Variants in SPTAN1 observed in about 807,000 individuals in gnomAD.
The protein encoded by SPTAN1 is spectrin alpha chain, non-erythrocytic 1.
Under a neutral mutation model 331.3 loss-of-function variants are expected in SPTAN1, and 61 were observed. That is an observed-to-expected ratio of 0.18 (90% CI 0.15 to 0.23). The LOEUF is 0.23. SPTAN1 is among the 10% of genes least tolerant of loss of function. The probability of loss-of-function intolerance (pLI) is 1.00; values close to 1 mark genes in which losing one functional copy is unlikely to be tolerated. For missense variants in SPTAN1, 2,043 were observed against 3,147.9 expected (o/e 0.65, Z 8.40); for synonymous variants, 1,153 against 1,173.9 (o/e 0.98, Z 0.36).
intron 26 of SPTAN1, 80 bp from the exon 27 acceptor site, chr9:128,599,998 CTA>C (rs1854882681): frequency 7.0e-7 from 1 of 1,432,858 alleles, no homozygotes; most frequent in East Asian, 2.3e-5. Flanking sequence ...CTGGGGGAAA[CTA>C]GAGTCATTCG....
At chr9:128,608,451 TGGG>T (rs1589312224) in intron 34 of SPTAN1, among the ~76,000 whole-genome samples, 175 bp downstream of exon 34, 1 of 152,070 alleles carries the variant, frequency 6.6e-6, no homozygotes, top group South Asian at 2.1e-4. Flanking sequence ...ATTTTAATAA[TGGG>T]GGTGCCACAG....
At chr9:128,617,854 T>G in intron 42 of SPTAN1, 94 bp downstream of exon 42, 1 of 1,611,248 alleles carries the variant, frequency 6.2e-7, no homozygotes, top group Non-Finnish European at 8.5e-7. Flanking sequence ...CTGAGGTCCC[T>G]AAAGTGTTCA....
At chr9:128,555,384 T>G in intron 1 of SPTAN1, 1 of 1,289,760 alleles carries the variant, frequency 7.8e-7, no homozygotes. Flanking sequence ...CATCGTTTCG[T>G]AAACGCAGAG....
rs374977921 is a variant in SPTAN1, at chr9:128,625,194, C to T, written c.6069+15C>T. The T allele has an allele frequency of 3.7e-6, 6 of 1,613,754 alleles. No individual in the cohort carries two copies. Among genetic ancestry groups the T allele is most frequent in the Non-Finnish European group, 5.1e-6 (6 of 1,179,678 alleles). On this transcript the variant is annotated intron_variant, in intron 47 of 56. Coordinates refer to ENST00000372739, the MANE Select transcript of SPTAN1 (RefSeq NM_001130438.3). This position sits in a 1 kb window ranked among gnomAD's most constrained non-coding sequence, Gnocchi z 4.1. ...TCACCAAACAGGTCTGCCCTGGCCC[C>T]TTCACTGGTTGAAATGTATGCAGAT... is the stretch of plus-strand genomic sequence containing the variant.
intron 20 of SPTAN1, among the ~76,000 whole-genome samples, chr9:128,588,443 C>A (rs1367998307): frequency 6.7e-6 from 1 of 149,678 alleles, no homozygotes; most frequent in Non-Finnish European, 1.5e-5. Context: ...TCCCGAGTAG[C>A]TGGGATTACA....
chr9:128,627,098 C>A lies in SPTAN1; in HGVS notation c.6577-288C>A, dbSNP rs1468825877. The A allele has an allele frequency of 3.5e-6, 2 of 572,984 alleles. No homozygotes were observed. Among genetic ancestry groups the A allele is most frequent in the Non-Finnish European group, 3.3e-6 (1 of 304,044 alleles). The allele number at this position is 572,984 out of a possible 1,614,324, so 35.5% of individuals were successfully genotyped here. ...AAAGTGCTGGGATTACAGGTGTGAG[C>A]CACTGTACCCAGCCAGAAGTTTCCA... is the stretch of plus-strand genomic sequence containing the variant. On this transcript the variant is annotated intron_variant, in intron 49 of 56. Transcript: ENST00000372739. The surrounding 1 kb of genome is among the most constrained non-coding windows in gnomAD (Gnocchi z 4.9).
At chr9:128,604,564 C>A in intron 29 of SPTAN1, 147 bp downstream of exon 29, 1 of 741,812 alleles carries the variant, frequency 1.3e-6, no homozygotes, top group Non-Finnish European at 2.2e-6. Flanking sequence ...CTCAGTAAAT[C>A]CTGCTAAGTG....
In SPTAN1 at chr9:128,633,398, C is replaced by T. The variant is rs1369291697; in HGVS notation, c.*64C>T. ...GCGTCGCCTTGCTGCATGTCCGCTC[C>T]TCTGTGTGCTCTCACTTTCCACTGT... is the stretch of plus-strand genomic sequence containing the variant. On this transcript the variant is annotated 3_prime_UTR_variant, in exon 57 of 57. Coordinates refer to ENST00000372739, the MANE Select transcript of SPTAN1 (RefSeq NM_001130438.3). 1.2e-5 allele frequency: 19 copies of T among 1,609,080 alleles called. No individual in the cohort carries two copies. Among genetic ancestry groups the T allele is most frequent in the African/African-American group, 2.7e-5 (2 of 74,894 alleles).
At chr9:128,592,497 A>G (rs1414527869) in intron 22 of SPTAN1, among the ~76,000 whole-genome samples, 2 of 150,960 alleles carry the variant, frequency 1.3e-5, no homozygotes, top group African/African-American at 2.4e-5. Flanking sequence ...CTGGTCTCAA[A>G]CTCCTGACCT....
intron 31 of SPTAN1, among the ~76,000 whole-genome samples, chr9:128,607,069 C>T (rs1394961170): frequency 6.6e-6 from 1 of 152,212 alleles, no homozygotes; most frequent in Non-Finnish European, 1.5e-5. Context: ...CTTACACACT[C>T]AGTTTTGTGC....
Position 128,577,364 on chromosome 9 carries a change from T to G in SPTAN1, c.943T>G (p.Cys315Gly). The change falls in exon 8 of 57, where the codon TGT becomes GGT. Residue 315 changes from cysteine to glycine, a missense_variant. Coordinates refer to ENST00000372739, the MANE Select transcript of SPTAN1 (RefSeq NM_001130438.3). This position sits in a 1 kb window ranked among gnomAD's most constrained non-coding sequence, Gnocchi z 4.2. ...AALEDKVKAL[C>G]AEADRLQQSH... ...AGTTCATTTCTAGGTCAAAGCCCTG[T>G]GTGCTGAGGCTGACCGCCTGCAACA... 6.2e-7 allele frequency: 1 copy of G among 1,614,204 alleles called. No individual in the cohort carries two copies. Among genetic ancestry groups the G allele is most frequent in the South Asian group, 1.1e-5 (1 of 91,078 alleles).
At chr9:128,609,818 A>G (rs966049035) in intron 37 of SPTAN1, among the ~76,000 whole-genome samples, 153 bp downstream of exon 37, 7 of 152,086 alleles carry the variant, frequency 4.6e-5, no homozygotes, top group Admixed American at 3.3e-4. Context: ...ACTCCATTCA[A>G]GTGTCCCTGT....
At chr9:128,563,181 T>A (rs1849620868) in intron 1 of SPTAN1, among the ~76,000 whole-genome samples, 1 of 151,900 alleles carries the variant, frequency 6.6e-6, no homozygotes, top group South Asian at 2.1e-4. Context: ...TTTGGGAGAC[T>A]GAGGCATGTG....
intron 45 of SPTAN1, 137 bp from the exon 46 acceptor site, chr9:128,624,191 C>T: frequency 1.1e-6 from 1 of 917,740 alleles, no homozygotes; most frequent in Non-Finnish European, 1.7e-6. Context: ...AAGCCTTACC[C>T]TATCATTGTT....
At chr9:128,579,525 C>A in intron 9 of SPTAN1, 112 bp from the exon 10 acceptor site, 1 of 805,948 alleles carries the variant, frequency 1.2e-6, no homozygotes, top group Non-Finnish European at 2.1e-6. Flanking sequence ...CATTTTGTTT[C>A]TCATTTTAGA....
intron 19 of SPTAN1, among the ~76,000 whole-genome samples, chr9:128,586,677 A>G (rs1852682870): frequency 6.6e-6 from 1 of 152,184 alleles, no homozygotes; most frequent in African/African-American, 2.4e-5. Flanking sequence ...GCACACATAC[A>G]TACATAGATG....
rs75119678 is a variant in SPTAN1, at chr9:128,599,081, G to A, written c.3543+95G>A. ...CAAGAACTTCTTCATCAGAATTGCT[G>A]TTCCTGAACCTCAGATGCCTTTTGT... On this transcript the variant is annotated intron_variant, in intron 26 of 56. Coordinates refer to ENST00000372739, the MANE Select transcript of SPTAN1 (RefSeq NM_001130438.3). 1,513 of 1,224,314 alleles carry A rather than the reference G, an allele frequency of 1.2e-3. 11 individuals carry two copies. In the African/African-American group the frequency reaches 0.02, roughly 16 times the overall value. The allele number at this position is 1,224,314 out of a possible 1,614,324, so 75.8% of individuals were successfully genotyped here.
chr9:128,598,274 C>CCT, intron 24 of SPTAN1, 126 bp from the exon 25 acceptor site: 7 of 594,000 alleles, frequency 1.2e-5, no homozygotes, highest in African/African-American at 1.9e-5. Flanking sequence ...TAATCCCCCC[C>CCT]TTTTTTTTTT....
chr9:128,611,574 A>G (rs935457860), intron 37 of SPTAN1, 140 bp from the exon 38 acceptor site: 20 of 940,044 alleles, frequency 2.1e-5, no homozygotes, highest in South Asian at 1.3e-4. Context: ...ACAAACTCCA[A>G]TTGCCTTCTG....
Sources: allele counts gnomAD v4.1 joint callset (sites outside exome capture counted in the v4.1 genomes callset), GRCh38; gene constraint gnomAD v4.1.1; non-coding constraint Gnocchi (gnomAD v3.1); transcripts MANE v1.5; gene names NCBI Gene and HGNC (gene_info 2026-07-23, HGNC 2026-07-21).